Variants in DTNB observed in about 807,000 individuals in gnomAD.
The protein encoded by DTNB is dystrobrevin beta.
Under a neutral mutation model 90.7 loss-of-function variants are expected in DTNB, and 63 were observed. That is an observed-to-expected ratio of 0.69 (90% CI 0.57 to 0.86). The LOEUF is 0.86. Among genes scored for constraint, DTNB ranks in the 40% least tolerant of loss-of-function variants. The pLI is 0.00. For synonymous variants in DTNB, 277 were observed against 286.7 expected (o/e 0.97, Z 0.34); for missense variants, 744 against 807.1 (o/e 0.92, Z 0.95).
intron 16 of DTNB, among the ~76,000 whole-genome samples, chr2:25,407,391 T>C (rs1156517648): frequency 6.6e-6 from 1 of 152,142 alleles, no homozygotes; most frequent in East Asian, 1.9e-4. Flanking sequence ...AAAGTAGACC[T>C]ACCATTTGAT....
chr2:25,506,899 T>C (rs1404813573), intron 9 of DTNB, among the ~76,000 whole-genome samples: 4 of 152,180 alleles, frequency 2.6e-5, no homozygotes, highest in Admixed American at 6.5e-5. Context: ...CAGAATATCA[T>C]CTCTCACCAA....
At chr2:25,503,950 A>G (rs1453629445) in intron 9 of DTNB, among the ~76,000 whole-genome samples, 1 of 151,346 alleles carries the variant, frequency 6.6e-6, no homozygotes, top group Non-Finnish European at 1.5e-5. Flanking sequence ...TTTTATTTAC[A>G]ATAGCATAAA....
At chr2:25,673,221 C>T (rs1559469781) in intron 1 of DTNB, among the ~76,000 whole-genome samples, 165 bp downstream of exon 1, 1 of 151,386 alleles carries the variant, frequency 6.6e-6, no homozygotes, top group Non-Finnish European at 1.5e-5. Context: ...CGCGGTGCAG[C>T]GGCCCCGGCT....
intron 9 of DTNB, among the ~76,000 whole-genome samples, chr2:25,484,677 A>G (rs1339927508): frequency 2.0e-5 from 3 of 152,204 alleles, no homozygotes; most frequent in Admixed American, 2.0e-4. Flanking sequence ...CTTGATTTTT[A>G]AGCCATAGTA....
At chr2:25,537,523 A>AT (rs2080106066) in intron 8 of DTNB, among the ~76,000 whole-genome samples, 1 of 152,246 alleles carries the variant, frequency 6.6e-6, no homozygotes, top group African/African-American at 2.4e-5. Flanking sequence ...TTAGAGTATT[A>AT]ACTAAGGCCT....
intron 16 of DTNB, among the ~76,000 whole-genome samples, chr2:25,399,045 G>A (rs544063434): frequency 1.3e-5 from 2 of 152,282 alleles, no homozygotes; most frequent in Non-Finnish European, 2.9e-5. Flanking sequence ...ACATCTATCA[G>A]TCGTCAGTGA....
At chr2:25,644,440 T>A (rs1573951028) in intron 2 of DTNB, among the ~76,000 whole-genome samples, 1 of 152,298 alleles carries the variant, frequency 6.6e-6, no homozygotes, top group Admixed American at 6.5e-5. Context: ...TTGTCTGAAA[T>A]TTTTCACAAC....
intron 7 of DTNB, among the ~76,000 whole-genome samples, chr2:25,579,016 AT>A (rs1415040427): frequency 6.6e-6 from 1 of 152,234 alleles, no homozygotes; most frequent in Admixed American, 6.5e-5. Flanking sequence ...TGATAAAAAT[AT>A]TACAAACCAT....
intron 12 of DTNB, among the ~76,000 whole-genome samples, chr2:25,434,200 C>G (rs914835438): frequency 2.0e-5 from 3 of 152,068 alleles, no homozygotes; most frequent in Admixed American, 6.6e-5. Flanking sequence ...AGAACATTTT[C>G]CATCACCGCA....
intron 5 of DTNB, among the ~76,000 whole-genome samples, chr2:25,603,995 C>T (rs1226687406): frequency 6.6e-6 from 1 of 152,170 alleles, no homozygotes; most frequent in Non-Finnish European, 1.5e-5. Context: ...AGCTCAAGTG[C>T]TTCTCTCATA....
chr2:25,435,414 T>C (rs886953361), intron 12 of DTNB, among the ~76,000 whole-genome samples: 1 of 152,156 alleles, frequency 6.6e-6, no homozygotes. Context: ...CCATCCCCCT[T>C]CCCTCGCCCT....
At chr2:25,416,517 C>G (rs1409376725) in intron 16 of DTNB, among the ~76,000 whole-genome samples, 1 of 152,034 alleles carries the variant, frequency 6.6e-6, no homozygotes, top group African/African-American at 2.4e-5. Context: ...ACTAAAAATA[C>G]AAAAATTAGC....
chr2:25,452,767 T>C (rs1295831041), intron 11 of DTNB, among the ~76,000 whole-genome samples: 2 of 152,088 alleles, frequency 1.3e-5, no homozygotes, highest in East Asian at 3.8e-4. Flanking sequence ...TTCTATCTCT[T>C]TGGCTAAGTC....
At chr2:25,597,325 T>G (rs2064855935) in intron 5 of DTNB, among the ~76,000 whole-genome samples, 1 of 151,200 alleles carries the variant, frequency 6.6e-6, no homozygotes, top group South Asian at 2.1e-4. Context: ...GGTGACAGAG[T>G]GAGACCTTGT....
rs565296570 is a variant in DTNB, at chr2:25,417,204, G to A, written c.1575+2311C>T. ...TAAGACTGTAAGGACTTGGACATGA[G>A]CTCAGGTCCCTGGCCATGGAGAACT... On this transcript the variant is annotated intron_variant, in intron 16 of 20. Transcript: ENST00000406818. Among the ~76,000 whole-genome samples the A allele has an allele frequency of 1.7e-3, 254 of 152,316 alleles. 1 individual carries two copies. The highest frequency in any genetic ancestry group is 2.9e-3 in the Non-Finnish European group (200 of 68,032).
At chr2:25,437,624 C>A (rs543843390) in intron 12 of DTNB, among the ~76,000 whole-genome samples, 32 of 152,254 alleles carry the variant, frequency 2.1e-4, no homozygotes, top group African/African-American at 7.7e-4. Flanking sequence ...AAAGCCAAGT[C>A]TCTTCCTAAA....
At chr2:25,430,459 G>A (rs2149927600) in intron 14 of DTNB, among the ~76,000 whole-genome samples, 1 of 152,128 alleles carries the variant, frequency 6.6e-6, no homozygotes, top group African/African-American at 2.4e-5. Flanking sequence ...TACGGTATAA[G>A]CTGAACATGA....
intron 16 of DTNB, among the ~76,000 whole-genome samples, chr2:25,414,899 TA>T (rs2047510826): frequency 6.6e-6 from 1 of 152,158 alleles, no homozygotes; most frequent in Non-Finnish European, 1.5e-5. Context: ...CTGAGCCTGT[TA>T]AACTGCAGGG....
chr2:25,663,032 A>G (rs2083582421), intron 1 of DTNB, among the ~76,000 whole-genome samples: 1 of 152,056 alleles, frequency 6.6e-6, no homozygotes, highest in Admixed American at 6.5e-5. Flanking sequence ...TGCATGCATT[A>G]GGTATTTGTC....
Sources: gnomAD v4.1 joint callset for allele counts (sites outside exome capture counted in the v4.1 genomes callset) on GRCh38, gnomAD v4.1.1 for gene constraint, MANE v1.5 for transcripts, NCBI Gene and HGNC (gene_info 2026-07-23, HGNC 2026-07-21) for gene names.